The following PHPT1 variants were observed in gnomAD, a reference collection of about 807,000 sequenced individuals.
The protein encoded by PHPT1 is 14 kDa phosphohistidine phosphatase.
PHPT1 carries 16 observed loss-of-function variants against 15.6 expected under a neutral mutation model. The observed-to-expected ratio is 1.03, with a 90% CI of 0.70 to 1.56. The LOEUF is 1.56. Among genes scored for constraint, PHPT1 ranks in the 40% most tolerant of loss-of-function variants. PHPT1 has a pLI of 0.00. For missense variants in PHPT1, 228 were observed against 171.0 expected, an observed-to-expected ratio of 1.33 and a Z score of -1.86; for synonymous variants, 102 against 68.1, an observed-to-expected ratio of 1.50 and a Z score of -2.45.
Position 136,850,623 on chromosome 9 carries a change from G to T in PHPT1, c.286-132G>T, listed in dbSNP as rs144023712. ...GCCCCCAAGGGCGGTCGGGATGGTGGGTTTGGCATCCCCAGGCACTGCCTA... is the reference window on the plus strand; with the variant it reads ...GCCCCCAAGGGCGGTCGGGATGGTGTGTTTGGCATCCCCAGGCACTGCCTA... On this transcript the variant is annotated intron_variant, in intron 2 of 2. Transcript: ENST00000247665. The T allele has an allele frequency of 6.8e-3, 10,481 of 1,540,818 alleles. 162 individuals carry two copies. The highest frequency in any genetic ancestry group is 0.041 in the East Asian group (1,832 of 44,300).
chr9:136,850,660 C>A, intron 2 of PHPT1, 95 bp from the exon 3 acceptor site: 1 of 1,494,452 alleles, frequency 6.7e-7, no homozygotes, highest in Non-Finnish European at 9.3e-7. Flanking sequence ...CCCTTTCCCA[C>A]ACTCGCTTCT....
intron 1 of PHPT1, 105 bp downstream of exon 1, chr9:136,849,695 G>T: frequency 1.3e-6 from 1 of 762,326 alleles, no homozygotes; most frequent in South Asian, 2.5e-5. Flanking sequence ...GGCTGGCGGG[G>T]CGGGGGCGGG....
At chr9:136,850,175 A>G (rs1467741936) in intron 2 of PHPT1, 38 bp downstream of exon 2, 2 of 1,612,402 alleles carry the variant, frequency 1.2e-6, no homozygotes, top group East Asian at 2.2e-5. Flanking sequence ...CGGAGGCCCC[A>G]GTACCAGCTT....
Position 136,850,443 on chromosome 9 carries a change from G to A in PHPT1, c.285+306G>A, listed in dbSNP as rs901430386. On this transcript the variant is annotated intron_variant, in intron 2 of 2. Coordinates refer to ENST00000247665, the MANE Select transcript of PHPT1 (RefSeq NM_014172.6). ...CACTTTGGGCCCTGGGCCCCCAGAG[G>A]CAGTCAGTACCTGGGTGGAGCTCAG... The A allele has an allele frequency of 3.0e-5, 44 of 1,447,558 alleles. 1 individual carries two copies. Among genetic ancestry groups the A allele is most frequent in the Non-Finnish European group, 3.6e-5 (38 of 1,045,400 alleles). 89.7% of individuals were successfully genotyped at this position (1,447,558 alleles called of 1,614,324 possible).
rs767638143 is a variant in PHPT1 at position 136,850,747 on chromosome 9, T to C, written c.286-8T>C. The C allele has an allele frequency of 1.2e-5, 20 of 1,611,542 alleles. No individual in the cohort carries two copies. The highest frequency in any genetic ancestry group is 1.7e-5 in the Admixed American group (1 of 60,004). ...AGGTAGTGCCAGCAGGCGTCTTCTC[T>C]TCTCCAGGCCTATGGTCCTGCCCAG... On this transcript the variant is annotated splice_region_variant and splice_polypyrimidine_tract_variant and intron_variant, in intron 2 of 2. Transcript: ENST00000247665.
intron 2 of PHPT1, 167 bp from the exon 3 acceptor site, chr9:136,850,588 C>T (rs1041195072): frequency 4.9e-5 from 78 of 1,605,092 alleles, no homozygotes; most frequent in Non-Finnish European, 6.6e-5. Flanking sequence ...GGTCGCCTCT[C>T]CCCAGGGGAG....
chr9:136,850,134 C>G lies in PHPT1; in HGVS notation c.282C>G (p.Ser94=), dbSNP rs1363023860. 1.2e-6 allele frequency: 2 copies of G among 1,612,928 alleles called. No individual in the cohort carries two copies. The highest frequency in any genetic ancestry group is 1.7e-6 in the Non-Finnish European group (2 of 1,179,894). The change falls in exon 2 of 3, where the codon TCC becomes TCG. Residue 94 remains serine (S), a synonymous_variant. Transcript: ENST00000247665. ...QDKKIHVYGY[S]MAYGPAQHAI... is the part of the protein sequence containing the mutation. ...AGAAGATTCACGTGTACGGCTATTC[C>G]ATGGTGAGCCGCAGCCCCGTCCCGC... is the stretch of plus-strand genomic sequence containing the variant.
At chr9:136,850,289 C>G (rs1848878346) in intron 2 of PHPT1, 152 bp downstream of exon 2, 1 of 998,624 alleles carries the variant, frequency 1.0e-6, no homozygotes, top group African/African-American at 1.6e-5. Context: ...CTCCAGGGCC[C>G]ATTGTGTTCC....
chr9:136,849,841 C>G (rs1358057574), intron 1 of PHPT1, 172 bp from the exon 2 acceptor site: 1 of 788,200 alleles, frequency 1.3e-6, no homozygotes, highest in Non-Finnish European at 2.0e-6. Flanking sequence ...CCGCGCCCTC[C>G]CCGGTTCCAC....
chr9:136,849,662 C>G, intron 1 of PHPT1, 72 bp downstream of exon 1: 4 of 203,140 alleles, frequency 2.0e-5, no homozygotes, highest in Non-Finnish European at 2.9e-5. Flanking sequence ...GGGACGGAGA[C>G]GGGGCTGACG....
In PHPT1 at chr9:136,850,757, C is replaced by T; in HGVS notation, c.288C>T (p.Ala96=). 6.2e-7 allele frequency: 1 copy of T among 1,612,672 alleles called. No homozygotes were observed. The highest frequency in any genetic ancestry group is 8.5e-7 in the Non-Finnish European group (1 of 1,179,482). The part of the protein sequence containing the change: ...KKIHVYGYSM[A]YGPAQHAIST... ...AGCAGGCGTCTTCTCTTCTCCAGGC[C>T]TATGGTCCTGCCCAGCACGCCATTT... The change falls in exon 3 of 3, where the codon GCC becomes GCT. Residue 96 remains alanine (A), a splice_region_variant and synonymous_variant. Transcript: ENST00000247665.
chr9:136,850,572 T>C lies in PHPT1; in HGVS notation c.286-183T>C, dbSNP rs911316080. 3.1e-6 allele frequency: 5 copies of C among 1,609,728 alleles called. No homozygotes were observed. The African/African-American group carries it at 6.7e-5, about 22-fold the overall frequency. The stretch of plus-strand genomic sequence containing the variant: ...GATCCACCATCAAGGTTTGCTTGCC[T>C]GTGGAGGTCGCCTCTCCCCAGGGGA... On this transcript the variant is annotated intron_variant, in intron 2 of 2. Transcript: ENST00000247665.
intron 2 of PHPT1, 54 bp from the exon 3 acceptor site, chr9:136,850,700 CG>C: frequency 1.3e-6 from 2 of 1,515,086 alleles, no homozygotes; most frequent in Non-Finnish European, 1.8e-6. Flanking sequence ...TGCCCAGAGC[CG>C]GGTATCGGGT....
At chr9:136,850,186 C>G (rs368821095) in intron 2 of PHPT1, 49 bp downstream of exon 2, 282 of 1,610,848 alleles carry the variant, frequency 1.8e-4, no homozygotes, top group Non-Finnish European at 2.2e-4. Flanking sequence ...GTACCAGCTT[C>G]GAGGCCCACC....
At position 136,850,084 on chromosome 9, in the gene PHPT1, C is replaced by T. The variant is rs779726603; in HGVS notation, c.232C>T (p.Arg78Cys). Residue 78 changes from arginine (R) to cysteine (C), a missense_variant, in exon 2 of 3, where the codon CGC (arginine) becomes TGC (cysteine). Arg to Cys is a radical substitution (Grantham distance 180). Coordinates refer to ENST00000247665, the MANE Select transcript of PHPT1 (RefSeq NM_014172.6). ...GCDCECLGGG[R>C]ISHQSQDKKI... ...CGACTGTGAGTGTCTGGGCGGCGGG[C>T]GCATCTCCCACCAGAGTCAGGACAA... is the stretch of plus-strand genomic sequence containing the variant. 2.5e-6 allele frequency: 4 copies of T among 1,613,084 alleles called. No homozygotes were observed. Among genetic ancestry groups the T allele is most frequent in the Non-Finnish European group, 3.4e-6 (4 of 1,179,826 alleles).
intron 1 of PHPT1, 189 bp from the exon 2 acceptor site, chr9:136,849,824 C>T (rs1191513726): frequency 1.4e-6 from 1 of 734,838 alleles, no homozygotes; most frequent in African/African-American, 1.8e-5. Context: ...CAGCAGTCTC[C>T]CAGTTCCCGC....
chr9:136,849,618 G>A (rs1848852186), intron 1 of PHPT1, 28 bp downstream of exon 1: 9 of 1,510,820 alleles, frequency 6.0e-6, no homozygotes, highest in African/African-American at 4.3e-5. Flanking sequence ...GGGCATGCCA[G>A]GGGCACGCCT....
intron 1 of PHPT1, 36 bp from the exon 2 acceptor site, chr9:136,849,977 G>T: frequency 1.3e-6 from 2 of 1,591,824 alleles, no homozygotes; most frequent in Non-Finnish European, 1.7e-6. Context: ...TCCAAGGGCG[G>T]CCAGGGCACG....
intron 2 of PHPT1, 190 bp from the exon 3 acceptor site, chr9:136,850,565 G>A: frequency 1.2e-6 from 2 of 1,610,788 alleles, no homozygotes; most frequent in African/African-American, 1.3e-5. Flanking sequence ...ATCAAGGTTT[G>A]CTTGCCTGTG....
Sources: allele counts gnomAD v4.1 joint callset, GRCh38; gene constraint gnomAD v4.1.1; transcripts MANE v1.5; gene names NCBI Gene and HGNC (gene_info 2026-07-23, HGNC 2026-07-21).